SLC41A2: variants seen among roughly 807,000 people sequenced by gnomAD.
SLC41A2 encodes the protein solute carrier family 41 member 2, also known as SLC41A1-like 1.
Under a neutral mutation model 58.3 loss-of-function variants are expected in SLC41A2, and 32 were observed. That is an observed-to-expected ratio of 0.55 (90% CI 0.41 to 0.74). The LOEUF (loss-of-function observed/expected upper bound fraction) is 0.74. Among genes scored for constraint, SLC41A2 ranks in the 30% least tolerant of loss-of-function variants. SLC41A2 has a pLI of 0.00. For synonymous variants in SLC41A2, 190 were observed against 235.0 expected (o/e 0.81, Z 1.75); for missense variants, 514 against 680.6 (o/e 0.76, Z 2.72).
intron 10 of SLC41A2, among the ~76,000 whole-genome samples, chr12:104,840,283 C>A (rs2042365686): frequency 6.6e-6 from 1 of 152,164 alleles, no homozygotes; most frequent in Admixed American, 6.5e-5. Flanking sequence ...AGAATCACTG[C>A]TTAGAGAGAA....
chr12:104,900,568 A>C (rs1280401497), intron 3 of SLC41A2, among the ~76,000 whole-genome samples: 1 of 152,156 alleles, frequency 6.6e-6, no homozygotes, highest in Non-Finnish European at 1.5e-5. Flanking sequence ...TTGATTAAAA[A>C]CCTAGTTGAC....
chr12:104,929,534 T>C (rs2046977685), intron 1 of SLC41A2, among the ~76,000 whole-genome samples: 1 of 152,234 alleles, frequency 6.6e-6, no homozygotes, highest in Non-Finnish European at 1.5e-5. Flanking sequence ...CTAGAGTCTC[T>C]TTGAAGACTT....
At position 104,932,807 on chromosome 12, in the gene SLC41A2, C is replaced by A. The variant is rs185888619; in HGVS notation, c.-167-4113G>T. On this transcript the variant is annotated intron_variant, in intron 1 of 10. Coordinates refer to ENST00000258538, the MANE Select transcript of SLC41A2 (RefSeq NM_001352171.3). ...AAAGGACATTCTATTCAATAAACAG[C>A]GCTGAGAAAATTAGACAGCCACATG... 5.4e-3 allele frequency among the ~76,000 whole-genome samples: 825 copies of A among 151,868 alleles called. 9 individuals carry two copies. Among genetic ancestry groups the A allele is most frequent in the African/African-American group, 0.018 (755 of 41,420 alleles).
intron 10 of SLC41A2, among the ~76,000 whole-genome samples, chr12:104,836,491 G>A (rs912359680): frequency 1.3e-5 from 2 of 152,116 alleles, no homozygotes; most frequent in Admixed American, 6.5e-5. Flanking sequence ...CATATAAAAT[G>A]GCTTATATAT....
chr12:104,933,092 C>T (rs953876901), intron 1 of SLC41A2, among the ~76,000 whole-genome samples: 6 of 152,026 alleles, frequency 3.9e-5, no homozygotes, highest in African/African-American at 9.7e-5. Flanking sequence ...TCAGAGTAAA[C>T]ATAACCTACA....
intron 10 of SLC41A2, among the ~76,000 whole-genome samples, chr12:104,831,063 T>C (rs1027028520): frequency 6.6e-6 from 1 of 152,160 alleles, no homozygotes; most frequent in Non-Finnish European, 1.5e-5. Flanking sequence ...AGCTTTACTT[T>C]CTTTTCTTTT....
In SLC41A2 at chr12:104,804,426, A is replaced by G. The variant is rs1300652746; in HGVS notation, c.*726T>C. On this transcript the variant is annotated 3_prime_UTR_variant, in exon 11 of 11. Coordinates refer to ENST00000258538, the MANE Select transcript of SLC41A2 (RefSeq NM_001352171.3). ...AGGTTATATTCTGTTTTTGAAGATT[A>G]CATTTTTTAAAACACATCAACATTT... 6.6e-6 allele frequency: 1 copy of G among 152,156 alleles called. No homozygotes were observed. The highest frequency in any genetic ancestry group is 1.5e-5 in the Non-Finnish European group (1 of 68,036). 9.4% of individuals were successfully genotyped at this position (152,156 alleles called of 1,614,324 possible). A position where few individuals can be genotyped will look rare whatever the true frequency, so the allele number is the denominator to read the frequency against.
intron 1 of SLC41A2, among the ~76,000 whole-genome samples, chr12:104,936,549 C>A (rs1227743526): frequency 6.6e-6 from 1 of 152,160 alleles, no homozygotes; most frequent in African/African-American, 2.4e-5. Context: ...TCACATCTTA[C>A]GTAGATGGTG....
chr12:104,943,969 G>GC (rs2047613004), intron 1 of SLC41A2, among the ~76,000 whole-genome samples: 1 of 152,150 alleles, frequency 6.6e-6, no homozygotes, highest in Admixed American at 6.5e-5. Flanking sequence ...ATTCGAGGCA[G>GC]CAACGGCTAC....
chr12:104,917,658 A>C (rs1046257423), intron 2 of SLC41A2, among the ~76,000 whole-genome samples: 18 of 151,802 alleles, frequency 1.2e-4, no homozygotes, highest in African/African-American at 3.6e-4. Context: ...AAAAATGATG[A>C]GTTCATGTCC....
chr12:104,912,467 G>A (rs2046127266), intron 2 of SLC41A2, among the ~76,000 whole-genome samples: 1 of 152,162 alleles, frequency 6.6e-6, no homozygotes, highest in African/African-American at 2.4e-5. Flanking sequence ...CTTCATAAAA[G>A]TCCAAAAGGA....
At chr12:104,917,646 T>C (rs1414806005) in intron 2 of SLC41A2, among the ~76,000 whole-genome samples, 1 of 151,638 alleles carries the variant, frequency 6.6e-6, no homozygotes, top group Non-Finnish European at 1.5e-5. Flanking sequence ...TATGCAGCCA[T>C]AAAAAATGAT....
At chr12:104,920,141 C>A (rs1343835363) in intron 2 of SLC41A2, among the ~76,000 whole-genome samples, 1 of 152,126 alleles carries the variant, frequency 6.6e-6, no homozygotes, top group Non-Finnish European at 1.5e-5. Context: ...GTGGGTCTCT[C>A]TCTCTAGGTT....
intron 1 of SLC41A2, among the ~76,000 whole-genome samples, chr12:104,938,758 C>CTGAGAGTTT (rs2047383634): frequency 6.6e-6 from 1 of 152,174 alleles, no homozygotes; most frequent in Admixed American, 6.5e-5. Flanking sequence ...TTTATTATCA[C>CTGAGAGTTT]AGCATGACCT....
Position 104,928,490 on chromosome 12 carries a change from GT to G in SLC41A2, c.37del (p.Thr13GlnfsTer12). ...TCCTCCACTACTTGGACCACCACTT[GT>G]TTTATCGGTAATAGATCTTCCTTTA... The part of the protein sequence containing the change: ...NSKGRSITDK[T>X]SGGPSSGGGF... On this transcript the variant is annotated frameshift_variant, in exon 2 of 11. Coordinates refer to ENST00000258538, the MANE Select transcript of SLC41A2 (RefSeq NM_001352171.3). LOFTEE classifies it high-confidence loss of function. The G allele has an allele frequency of 6.5e-7, 1 of 1,534,122 alleles. No individual in the cohort carries two copies. The highest frequency in any genetic ancestry group is 1.2e-5 in the South Asian group (1 of 81,224).
intron 1 of SLC41A2, among the ~76,000 whole-genome samples, chr12:104,951,936 C>A (rs1322451214): frequency 6.6e-6 from 1 of 151,900 alleles, no homozygotes; most frequent in East Asian, 1.9e-4. Flanking sequence ...GAAATGATTT[C>A]TGGATTGGCT....
intron 10 of SLC41A2, among the ~76,000 whole-genome samples, chr12:104,830,256 T>G (rs1268815877): frequency 6.6e-6 from 1 of 152,210 alleles, no homozygotes; most frequent in Non-Finnish European, 1.5e-5. Context: ...CTCCTGCAGA[T>G]AGCAAAATCC....
intron 1 of SLC41A2, among the ~76,000 whole-genome samples, chr12:104,947,428 C>T (rs868724640): frequency 6.6e-6 from 1 of 151,672 alleles, no homozygotes; most frequent in African/African-American, 2.4e-5. Context: ...GTCTGGATCT[C>T]CTGACCTCAG....
At chr12:104,828,195 C>T (rs2041916044) in intron 10 of SLC41A2, among the ~76,000 whole-genome samples, 1 of 152,150 alleles carries the variant, frequency 6.6e-6, no homozygotes, top group Non-Finnish European at 1.5e-5. Flanking sequence ...CACCGGCATG[C>T]TGGCAGGCCA....
Sources: allele counts gnomAD v4.1 joint callset (sites outside exome capture counted in the v4.1 genomes callset), GRCh38; gene constraint gnomAD v4.1.1; transcripts MANE v1.5; gene names NCBI Gene and HGNC (gene_info 2026-07-23, HGNC 2026-07-21).